Variants in CADPS2 observed in about 807,000 individuals in gnomAD.
The protein encoded by CADPS2 is calcium dependent secretion activator 2.
A neutral mutation model predicts 172.5 loss-of-function variants in CADPS2; 93 were observed. That is an observed-to-expected ratio of 0.54 (90% CI 0.46 to 0.64). The LOEUF (loss-of-function observed/expected upper bound fraction) is 0.64, where lower values mean the gene tolerates loss of function less well. Ranked by LOEUF, CADPS2 falls within the 30% of genes least tolerant of loss-of-function variation. CADPS2 has a pLI of 0.00. For synonymous variants in CADPS2, 546 were observed against 555.2 expected, an observed-to-expected ratio of 0.98 and a Z score of 0.23; for missense variants, 1,420 against 1,565.9, an observed-to-expected ratio of 0.91 and a Z score of 1.57.
chr7:122,885,953 A>G, intron 1 of CADPS2, 46 bp downstream of exon 1: 3 of 1,570,288 alleles, frequency 1.9e-6, no homozygotes, highest in Non-Finnish European at 2.6e-6. Flanking sequence ...CGGGAGAAAA[A>G]CCCAGGGAGA....
At chr7:122,651,404 G>A (rs1179038607) in intron 3 of CADPS2, among the ~76,000 whole-genome samples, 1 of 152,120 alleles carries the variant, frequency 6.6e-6, no homozygotes, top group Non-Finnish European at 1.5e-5. Context: ...GGACTTCTAG[G>A]GGAAGACACC....
chr7:122,434,192 A>G (rs1005535498), intron 17 of CADPS2, among the ~76,000 whole-genome samples: 3 of 152,232 alleles, frequency 2.0e-5, no homozygotes, highest in African/African-American at 7.2e-5. Flanking sequence ...CTGTCATAAG[A>G]GGTGACAATC....
At chr7:122,364,808 C>T (rs182933901) in intron 25 of CADPS2, among the ~76,000 whole-genome samples, 106 of 151,770 alleles carry the variant, frequency 7.0e-4, no homozygotes, top group African/African-American at 2.4e-3. Context: ...AAAAACACAA[C>T]AGTCTTAGAT....
In CADPS2 at chr7:122,393,407, C is replaced by A. The variant is rs1381777082; in HGVS notation, c.2888+34G>T. ...AGTCATAAGGTCAGGGTTGAAGAGG[C>A]AGGTGCTCTACGGACACTAGGTAAG... is the stretch of plus-strand genomic sequence containing the variant. On this transcript the variant is annotated intron_variant, in intron 21 of 29. Transcript: ENST00000449022. 6 of 1,612,934 alleles carry A rather than the reference C, an allele frequency of 3.7e-6. No homozygotes were observed. The Admixed American group carries it at 1.0e-4, about 27-fold the overall frequency.
intron 17 of CADPS2, among the ~76,000 whole-genome samples, chr7:122,434,591 C>T (rs1188739176): frequency 6.6e-6 from 1 of 152,098 alleles, no homozygotes; most frequent in African/African-American, 2.4e-5. Context: ...CAACAGTGAA[C>T]AAGTCAGTAA....
chr7:122,668,349 A>G (rs1263809687), intron 2 of CADPS2, among the ~76,000 whole-genome samples: 3 of 151,718 alleles, frequency 2.0e-5, no homozygotes, highest in Admixed American at 1.3e-4. Flanking sequence ...TGGGAGAGTC[A>G]TGGAAAATCC....
intron 8 of CADPS2, 90 bp downstream of exon 8, chr7:122,554,460 C>T (rs1456315007): frequency 1.2e-5 from 15 of 1,254,216 alleles, no homozygotes; most frequent in Middle Eastern, 2.6e-4. Flanking sequence ...TGAAAGCCTG[C>T]TATACTGGTT....
At chr7:122,698,070 A>G (rs1433912570) in intron 2 of CADPS2, 1 of 1,614,056 alleles carries the variant, frequency 6.2e-7, no homozygotes, top group Non-Finnish European at 8.5e-7. Flanking sequence ...TCCAGGGGTC[A>G]ATGCAATTCT....
chr7:122,527,617 A>AGAGAGAGAGAGAGTGTGTGT lies in CADPS2; in HGVS notation c.1476-14303_1476-14302insACACACACTCTCTCTCTCTC. On this transcript the variant is annotated intron_variant, in intron 8 of 29. Transcript: ENST00000449022. The stretch of plus-strand genomic sequence containing the variant: ...GAGAGAGAGAGAGAGAGAGAGAGAG[A>AGAGAGAGAGAGAGTGTGTGT]GTGTGTGTGTGTGTGTGTGTGTGTG... 8.3e-3 allele frequency among the ~76,000 whole-genome samples: 692 copies of AGAGAGAGAGAGAGTGTGTGT among 83,750 alleles called. 8 individuals are homozygous for AGAGAGAGAGAGAGTGTGTGT. Among genetic ancestry groups the AGAGAGAGAGAGAGTGTGTGT allele is most frequent in the Non-Finnish European group, 0.014 (549 of 38,240 alleles). 54.9% of individuals were successfully genotyped at this position (83,750 alleles called of 152,430 possible).
At chr7:122,675,850 T>C (rs1472732521) in intron 2 of CADPS2, among the ~76,000 whole-genome samples, 3 of 151,730 alleles carry the variant, frequency 2.0e-5, no homozygotes, top group Non-Finnish European at 4.4e-5. Flanking sequence ...GGGGAGAGGA[T>C]TAGGACAAAC....
At chr7:122,836,165 T>C (rs1584783622) in intron 1 of CADPS2, among the ~76,000 whole-genome samples, 1 of 152,280 alleles carries the variant, frequency 6.6e-6, no homozygotes, top group East Asian at 1.9e-4. Flanking sequence ...CAGAATTTCA[T>C]ATGCAGCCAA....
At chr7:122,420,769 T>C (rs2048446568) in intron 17 of CADPS2, among the ~76,000 whole-genome samples, 1 of 152,230 alleles carries the variant, frequency 6.6e-6, no homozygotes, top group South Asian at 2.1e-4. Context: ...CAAAGTTGCT[T>C]GATGAATTTC....
chr7:122,774,324 A>C (rs1328014900), intron 1 of CADPS2, among the ~76,000 whole-genome samples: 1 of 151,436 alleles, frequency 6.6e-6, no homozygotes, highest in Non-Finnish European at 1.5e-5. Context: ...TGGAAACAAA[A>C]GAACTGACAA....
Position 122,861,390 on chromosome 7 carries a change from T to C in CADPS2, c.339+24609A>G, listed in dbSNP as rs148679935. Among the ~76,000 whole-genome samples, 425 of 152,312 alleles carry C rather than the reference T, an allele frequency of 2.8e-3. 2 individuals are homozygous for C. Among genetic ancestry groups the C allele is most frequent in the African/African-American group, 9.9e-3 (410 of 41,572 alleles). On this transcript the variant is annotated intron_variant, in intron 1 of 29. Transcript: ENST00000449022. ...CATTTTTTCATATATCTGTTGACCA[T>C]TTGTATATCTTCTTTTGAGAAATGT...
intron 16 of CADPS2, among the ~76,000 whole-genome samples, chr7:122,439,715 A>G (rs1307121971): frequency 2.0e-5 from 3 of 152,210 alleles, no homozygotes; most frequent in Non-Finnish European, 4.4e-5. Context: ...CACTTTAATT[A>G]GCACTGCACA....
At chr7:122,361,853 C>T (rs2040191392) in intron 25 of CADPS2, among the ~76,000 whole-genome samples, 1 of 151,950 alleles carries the variant, frequency 6.6e-6, no homozygotes, top group Admixed American at 6.5e-5. Flanking sequence ...GTGGGCGGAT[C>T]GCCTGAGGTC....
At chr7:122,598,919 G>A (rs78542667) in intron 6 of CADPS2, among the ~76,000 whole-genome samples, 4,973 of 152,146 alleles carry the variant, frequency 0.033, 257 homozygotes, top group African/African-American at 0.11. Context: ...AACAGTGAGA[G>A]TTCTGGGGAC....
At chr7:122,478,048 T>A (rs2056906889) in intron 12 of CADPS2, among the ~76,000 whole-genome samples, 1 of 152,174 alleles carries the variant, frequency 6.6e-6, no homozygotes, top group South Asian at 2.1e-4. Flanking sequence ...TATTTTCACA[T>A]AGCTTTCTAC....
chr7:122,663,340 G>A lies in CADPS2; in HGVS notation c.683C>T (p.Ala228Val). ...CKQPNRMALS[A>V]VSELILSKEQ... The stretch of plus-strand genomic sequence containing the variant: ...CTTGCTCAGAATAAGTTCAGACACT[G>A]CACTTAGGGCCATTCTATTTGGCTG... Residue 228 changes from alanine to valine, a missense_variant, in exon 3 of 30, where the codon GCA becomes GTA. By Grantham distance (64) the Ala-to-Val change is moderately conservative. Transcript: ENST00000449022. 6.2e-7 allele frequency: 1 copy of A among 1,613,872 alleles called. No homozygotes were observed. The highest frequency in any genetic ancestry group is 8.5e-7 in the Non-Finnish European group (1 of 1,179,852).
Sources: allele counts gnomAD v4.1 joint callset (sites outside exome capture counted in the v4.1 genomes callset), GRCh38; gene constraint gnomAD v4.1.1; transcripts MANE v1.5; gene names NCBI Gene and HGNC (gene_info 2026-07-23, HGNC 2026-07-21).